PTPN2: variants seen among roughly 807,000 people sequenced by gnomAD.
PTPN2 encodes the protein protein tyrosine phosphatase non-receptor type 2.
In PTPN2, 19 loss-of-function variants were observed where a neutral mutation model predicts 57.3. The observed-to-expected ratio is 0.33, with a 90% CI of 0.23 to 0.49. The LOEUF is 0.49. Among genes scored for constraint, PTPN2 ranks in the 20% least tolerant of loss-of-function variants. The pLI, the probability that PTPN2 is intolerant of heterozygous loss-of-function variation, is 0.99. For synonymous variants in PTPN2, 153 were observed against 164.9 expected (o/e 0.93, Z 0.55); for missense variants, 358 against 501.1 (o/e 0.71, Z 2.73).
At chr18:12,787,044 T>A (rs1486501001) in intron 9 of PTPN2, 1 of 152,198 alleles carries the variant, frequency 6.6e-6, no homozygotes, top group Non-Finnish European at 1.5e-5. Flanking sequence ...AATAAGCAAC[T>A]CAATTCAATC....
At chr18:12,846,660 C>G (rs2043219307) in intron 2 of PTPN2, among the ~76,000 whole-genome samples, 2 of 152,238 alleles carry the variant, frequency 1.3e-5, no homozygotes, top group Non-Finnish European at 2.9e-5. Flanking sequence ...CTCCAAAGCT[C>G]TATTCTCCTC....
At chr18:12,883,870 C>CTTTTT (rs397959555) in intron 1 of PTPN2, 571 of 389,344 alleles carry the variant, frequency 1.5e-3, no homozygotes, top group African/African-American at 6.3e-3. Flanking sequence ...CTCAAGTATG[C>CTTTTT]TTTTTTTTTT....
intron 3 of PTPN2, among the ~76,000 whole-genome samples, chr18:12,836,304 T>G (rs1223783751): frequency 6.6e-6 from 1 of 152,208 alleles, no homozygotes; most frequent in Non-Finnish European, 1.5e-5. Flanking sequence ...CACAAGGCCT[T>G]GTGGCTGGGC....
intron 2 of PTPN2, among the ~76,000 whole-genome samples, chr18:12,856,250 G>T (rs1210723413): frequency 6.6e-6 from 1 of 152,234 alleles, no homozygotes; most frequent in East Asian, 1.9e-4. Flanking sequence ...GTGTGGGGAT[G>T]TGCTGGCCAG....
intron 1 of PTPN2, chr18:12,883,561 C>G (rs1307893849): frequency 6.6e-6 from 1 of 152,068 alleles, no homozygotes; most frequent in Non-Finnish European, 1.5e-5. Context: ...ACCCGGACGC[C>G]GCGGCCCGGC....
chr18:12,812,726 A>G (rs1176042663), intron 7 of PTPN2, among the ~76,000 whole-genome samples: 1 of 152,196 alleles, frequency 6.6e-6, no homozygotes, highest in Admixed American at 6.5e-5. Context: ...TGCCAAGACC[A>G]TTTCTGCAGA....
In PTPN2 at chr18:12,814,203, C is replaced by G; in HGVS notation, c.858G>C (p.Gln286His). The G allele has an allele frequency of 6.4e-7, 1 of 1,573,332 alleles. No homozygotes were observed. The highest frequency in any genetic ancestry group is 8.7e-7 in the Non-Finnish European group (1 of 1,151,720). Residue 286 changes from glutamine (Q) to histidine (H), a missense_variant and splice_region_variant, in exon 7 of 9, where the codon CAG (glutamine) becomes CAC (histidine). This residue lies in a region of PTPN2 where 193 missense variants were observed against 315.4 expected (regional missense o/e 0.61). Coordinates refer to ENST00000309660, the MANE Select transcript of PTPN2 (RefSeq NM_002828.4). ...GATTTAAAACCTGTATGAAGTTTAC[C>G]TGTATACTAGAATCTCCCTTTATAC... ...AKCIKGDSSI[Q>H]KRWKELSKED...
chr18:12,819,094 CAAA>C (rs34910954), intron 5 of PTPN2: 489 of 270,410 alleles, frequency 1.8e-3, no homozygotes, highest in South Asian at 4.2e-3. Context: ...AACTCCATCT[CAAA>C]AAAAAAAAAA....
intron 4 of PTPN2, among the ~76,000 whole-genome samples, chr18:12,826,465 A>C (rs1438093754): frequency 6.6e-6 from 1 of 152,190 alleles, no homozygotes; most frequent in African/African-American, 2.4e-5. Context: ...TGCAGTCATC[A>C]CTGTAAGCCA....
At chr18:12,837,243 T>C (rs184248589) in intron 2 of PTPN2, among the ~76,000 whole-genome samples, 49 of 152,294 alleles carry the variant, frequency 3.2e-4, no homozygotes, top group Middle Eastern at 3.4e-3. Context: ...TTGATTGGTC[T>C]ACCTACAAAA....
chr18:12,830,519 AT>A (rs1464552699), intron 4 of PTPN2, among the ~76,000 whole-genome samples: 1 of 152,214 alleles, frequency 6.6e-6, no homozygotes, highest in Non-Finnish European at 1.5e-5. Context: ...CTGGCATGTC[AT>A]TGCCACATCT....
chr18:12,820,624 T>C (rs1204193302), intron 5 of PTPN2, among the ~76,000 whole-genome samples: 2 of 152,236 alleles, frequency 1.3e-5, no homozygotes, highest in Non-Finnish European at 2.9e-5. Context: ...TTTCTTCTCC[T>C]TGGTCACCGA....
At chr18:12,823,706 T>C (rs2042349656) in intron 5 of PTPN2, among the ~76,000 whole-genome samples, 1 of 152,042 alleles carries the variant, frequency 6.6e-6, no homozygotes, top group African/African-American at 2.4e-5. Context: ...ACTAATGAGA[T>C]CAGTCTGTCA....
intron 9 of PTPN2, chr18:12,786,231 T>C: frequency 5.2e-6 from 1 of 191,668 alleles, no homozygotes; most frequent in Non-Finnish European, 1.1e-5. Context: ...TGTGCTAGAC[T>C]TACCAATACT....
At chr18:12,877,620 A>G (rs868674310) in intron 1 of PTPN2, among the ~76,000 whole-genome samples, 26 of 152,260 alleles carry the variant, frequency 1.7e-4, no homozygotes, top group Admixed American at 3.3e-4. Context: ...AAGTATGAGA[A>G]GAACAGTGTG....
chr18:12,877,693 A>G (rs1324095450), intron 1 of PTPN2, among the ~76,000 whole-genome samples: 1 of 152,248 alleles, frequency 6.6e-6, no homozygotes, highest in East Asian at 1.9e-4. Context: ...TTCTCTAGCA[A>G]TATTTGAACT....
At chr18:12,841,137 A>T (rs2043030189) in intron 2 of PTPN2, 1 of 304,856 alleles carries the variant, frequency 3.3e-6, no homozygotes, top group African/African-American at 2.3e-5. Flanking sequence ...GAGCTTGAGT[A>T]GTTGCTACCT....
At chr18:12,874,236 C>T (rs1244492272) in intron 1 of PTPN2, among the ~76,000 whole-genome samples, 5 of 149,474 alleles carry the variant, frequency 3.3e-5, no homozygotes, top group Admixed American at 1.3e-4. Flanking sequence ...CCAGCCGCCC[C>T]GTCCGGGAGG....
chr18:12,854,716 T>C (rs1384573919), intron 2 of PTPN2, among the ~76,000 whole-genome samples: 2 of 152,098 alleles, frequency 1.3e-5, no homozygotes, highest in African/African-American at 2.4e-5. Flanking sequence ...CCACAGCAGA[T>C]GAGATCATTC....
Sources: allele counts gnomAD v4.1 joint callset (sites outside exome capture counted in the v4.1 genomes callset), GRCh38; gene constraint gnomAD v4.1.1; regional missense constraint gnomAD v4.1.1; transcripts MANE v1.5; gene names NCBI Gene and HGNC (gene_info 2026-07-23, HGNC 2026-07-21).